Variants in MOK observed in about 807,000 individuals in gnomAD.
MOK encodes MAPK/MAK/MRK overlapping kinase.
In MOK, 59 loss-of-function variants were observed where a neutral mutation model predicts 54.2. The ratio of observed to expected loss-of-function variants is 1.09; its 90% confidence interval spans 0.88 to 1.35. The LOEUF is 1.35. MOK is among the 40% of genes most tolerant of loss of function. The pLI is 0.00. For synonymous variants in MOK, 210 were observed against 202.7 expected (o/e 1.04, Z -0.31); for missense variants, 517 against 526.2 (o/e 0.98, Z 0.17).
intron 2 of MOK, among the ~76,000 whole-genome samples, chr14:102,281,075 G>A (rs946849394): frequency 7.2e-5 from 11 of 152,112 alleles, no homozygotes; most frequent in Admixed American, 3.3e-4. Flanking sequence ...TGTAATCCCT[G>A]CACTTTGGGA....
Position 102,231,310 on chromosome 14 carries a change from ACTT to A in MOK, c.981+394_981+396del. ...AGACCTGTCACTGGCTGGGTGGGTG[ACTT>A]GGGCCAGCATTGCATCTTCTTGGCG... On this transcript the variant is annotated intron_variant, in intron 10 of 11. Transcript: ENST00000361847. This position sits in a 1 kb window ranked among gnomAD's most constrained non-coding sequence, Gnocchi z 4.4. 1 of 161,376 alleles carries A rather than the reference ACTT, an allele frequency of 6.2e-6. No homozygotes were observed. The highest frequency in any genetic ancestry group is 1.3e-5 in the Non-Finnish European group (1 of 74,438). The allele number at this position is 161,376 out of a possible 1,614,324, so 10.0% of individuals were successfully genotyped here.
intron 1 of MOK, among the ~76,000 whole-genome samples, chr14:102,303,907 A>G (rs2072503290): frequency 6.6e-6 from 1 of 152,392 alleles, no homozygotes; most frequent in South Asian, 2.1e-4. Flanking sequence ...GAAAATTTTC[A>G]AAACAAACAG....
chr14:102,234,862 T>C (rs1597271387), intron 7 of MOK: 1 of 152,224 alleles, frequency 6.6e-6, no homozygotes, highest in Non-Finnish European at 1.5e-5. Context: ...AGATTCCTCA[T>C]GTTCAGGCTT....
intron 7 of MOK, among the ~76,000 whole-genome samples, chr14:102,250,398 T>C (rs114957145): frequency 0.055 from 8,289 of 151,868 alleles, 286 homozygotes; most frequent in African/African-American, 0.1. Context: ...AGGGGTGGGA[T>C]TGGGGCTTTC....
rs28734999 is a variant in MOK at position 102,304,554 on chromosome 14, A to C, written c.7+408T>G. 5.6e-3 allele frequency among the ~76,000 whole-genome samples: 854 copies of C among 152,360 alleles called. 9 individuals carry two copies. Among genetic ancestry groups the C allele is most frequent in the African/African-American group, 0.02 (817 of 41,584 alleles). ...CAGTATCATGAAAAGGCAGGGAGCCACGCTGTAAGCGCTCCCCCGTTTTCT... is the reference window on the plus strand; with the variant it reads ...CAGTATCATGAAAAGGCAGGGAGCCCCGCTGTAAGCGCTCCCCCGTTTTCT... On this transcript the variant is annotated intron_variant, in intron 1 of 11. Transcript: ENST00000361847.
the MOK span, among the ~76,000 whole-genome samples, chr14:102,216,277 G>T: frequency 6.6e-6 from 1 of 152,324 alleles, no homozygotes. Context: ...TGCCACAAGA[G>T]TGCACAGGGC....
rs1453253677 is a variant in MOK at position 102,240,769 on chromosome 14, TGGCTGCTCACCCACATTGCAGCCCAG to T, written c.591-7006_591-6981del. On this transcript the variant is annotated intron_variant, in intron 7 of 11. Transcript: ENST00000361847. This position sits in a 1 kb window ranked among gnomAD's most constrained non-coding sequence, Gnocchi z 5.4. ...AAGTCAACTGCGGGGATGCCTGCTT[TGGCTGCTCACCCACATTGCAGCCCAG>T]GGCTGCTCACCACCCTCCTTATCTG... 5 of 152,298 alleles carry T rather than the reference TGGCTGCTCACCCACATTGCAGCCCAG, an allele frequency of 3.3e-5. No homozygotes were observed. Among genetic ancestry groups the T allele is most frequent in the Non-Finnish European group, 5.9e-5 (4 of 68,100 alleles). The allele number at this position is 152,298 out of a possible 1,614,324, so 9.4% of individuals were successfully genotyped here. A position where few individuals can be genotyped will look rare whatever the true frequency, so the allele number is the denominator to read the frequency against.
At chr14:102,292,190 T>C (rs1041002459) in intron 1 of MOK, among the ~76,000 whole-genome samples, 7 of 151,932 alleles carry the variant, frequency 4.6e-5, no homozygotes, top group East Asian at 3.9e-4. Flanking sequence ...ATGGAGTACA[T>C]AGGCCGGGTG....
chr14:102,253,073 T>G (rs2066656443), intron 4 of MOK, among the ~76,000 whole-genome samples: 1 of 152,214 alleles, frequency 6.6e-6, no homozygotes, highest in African/African-American at 2.4e-5. Context: ...CACGTGGTTT[T>G]TCTGAGTTTT....
chr14:102,280,810 C>T (rs1344016673), intron 2 of MOK: 1 of 152,212 alleles, frequency 6.6e-6, no homozygotes, highest in African/African-American at 2.4e-5. Flanking sequence ...CGTAACCACA[C>T]AATCTTCCCA....
Position 102,232,694 on chromosome 14 carries a change from T to A in MOK, c.707A>T (p.Asn236Ile), listed in dbSNP as rs1431326156. The A allele has an allele frequency of 6.2e-7, 1 of 1,613,696 alleles. No homozygotes were observed. The highest frequency in any genetic ancestry group is 1.3e-5 in the African/African-American group (1 of 75,002). ...TCCCTTTTTAAAAGGAAAATCAAAA[T>A]TCATAGCTCTCGACCTGTATTAAAA... ...LTKFKQSRAMNFDFPFKKGSG... is the reference protein window; with the variant it reads ...LTKFKQSRAMIFDFPFKKGSG... Residue 236 changes from asparagine to isoleucine, a missense_variant, in exon 9 of 12, where the codon AAT becomes ATT. Asn to Ile is a moderately radical substitution (Grantham distance 149). Transcript: ENST00000361847. The surrounding 1 kb of genome is among the most constrained non-coding windows in gnomAD (Gnocchi z 5.1).
rs2064692329 is a variant in MOK at position 102,231,437 on chromosome 14, T to C, written c.981+270A>G. 2.7e-6 allele frequency: 1 copy of C among 374,760 alleles called. No individual in the cohort carries two copies. The highest frequency in any genetic ancestry group is 4.9e-6 in the Non-Finnish European group (1 of 205,526). 23.2% of individuals were successfully genotyped at this position (374,760 alleles called of 1,614,324 possible). ...TCATCAGGACAGACACAAAAGTTCA[T>C]GCAAACATCCCCTCTCTGGGCCTGC... On this transcript the variant is annotated intron_variant, in intron 10 of 11. Transcript: ENST00000361847. This position sits in a 1 kb window ranked among gnomAD's most constrained non-coding sequence, Gnocchi z 4.4.
intron 1 of MOK, among the ~76,000 whole-genome samples, chr14:102,301,350 G>A (rs2072173212): frequency 6.6e-6 from 1 of 152,112 alleles, no homozygotes; most frequent in African/African-American, 2.4e-5. Context: ...CAAAGCCCAC[G>A]CTCTTATCAA....
chr14:102,255,599 C>T (rs2066887710), intron 4 of MOK, among the ~76,000 whole-genome samples: 2 of 152,102 alleles, frequency 1.3e-5, no homozygotes, highest in South Asian at 4.2e-4. Flanking sequence ...AGTGTGGGCC[C>T]AGTAGTCTGA....
chr14:102,259,783 C>A (rs552251879), intron 4 of MOK, among the ~76,000 whole-genome samples: 2 of 152,268 alleles, frequency 1.3e-5, no homozygotes, highest in East Asian at 3.9e-4. Flanking sequence ...CAGTGGCTCA[C>A]GCTTGTAATC....
chr14:102,294,380 A>G (rs1053698099), intron 1 of MOK, among the ~76,000 whole-genome samples: 1 of 150,340 alleles, frequency 6.7e-6, no homozygotes, highest in African/African-American at 2.5e-5. Flanking sequence ...CGGGAGGCGG[A>G]GCTGGCAGTG....
intron 4 of MOK, among the ~76,000 whole-genome samples, chr14:102,258,230 C>T (rs951453811): frequency 3.3e-5 from 5 of 152,156 alleles, no homozygotes; most frequent in African/African-American, 9.7e-5. Context: ...CTTAGAGTAA[C>T]GAAAATTCTT....
intron 7 of MOK, among the ~76,000 whole-genome samples, chr14:102,234,751 C>A (rs938967829): frequency 1.3e-5 from 2 of 152,180 alleles, no homozygotes; most frequent in East Asian, 1.9e-4. Context: ...GGCCTCAATA[C>A]AAATCAGACC....
At chr14:102,275,349 G>A (rs929366751) in intron 2 of MOK, among the ~76,000 whole-genome samples, 3 of 152,202 alleles carry the variant, frequency 2.0e-5, no homozygotes, top group Non-Finnish European at 4.4e-5. Context: ...TGGACTGTGA[G>A]GTCAGGAGAT....
Sources: allele counts gnomAD v4.1 joint callset (sites outside exome capture counted in the v4.1 genomes callset), GRCh38; gene constraint gnomAD v4.1.1; non-coding constraint Gnocchi (gnomAD v3.1); transcripts MANE v1.5; gene names NCBI Gene and HGNC (gene_info 2026-07-23, HGNC 2026-07-21).